The following DOCK4 variants were observed in gnomAD, a reference collection of about 807,000 sequenced individuals.
DOCK4 encodes dedicator of cytokinesis protein 4.
DOCK4 carries 97 observed loss-of-function variants against 268.1 expected under a neutral mutation model. The ratio of observed to expected loss-of-function variants is 0.36; its 90% CI spans 0.31 to 0.43. The LOEUF (loss-of-function observed/expected upper bound fraction) is 0.43. Among genes scored for constraint, DOCK4 ranks in the 20% least tolerant of loss-of-function variants. DOCK4 has a pLI of 1.00. For missense variants in DOCK4, 2,145 were observed against 2,455.7 expected, an observed-to-expected ratio of 0.87 and a Z score of 2.67; for synonymous variants, 954 against 887.2, an observed-to-expected ratio of 1.08 and a Z score of -1.34.
At chr7:111,843,789 A>G (rs534988620) in intron 25 of DOCK4, among the ~76,000 whole-genome samples, 36 of 152,318 alleles carry the variant, frequency 2.4e-4, no homozygotes, top group Non-Finnish European at 4.7e-4. Flanking sequence ...AAAATGCTTC[A>G]GTCACGTTGC....
chr7:112,157,779 A>G (rs78428386), intron 1 of DOCK4, among the ~76,000 whole-genome samples: 4,032 of 152,254 alleles, frequency 0.026, 72 homozygotes, highest in Middle Eastern at 0.048. Context: ...AAAGCACAGG[A>G]GGAGTTCTTG....
chr7:112,127,326 C>T (rs1813321016), intron 1 of DOCK4, among the ~76,000 whole-genome samples: 1 of 147,814 alleles, frequency 6.8e-6, no homozygotes, highest in South Asian at 2.1e-4. Flanking sequence ...AACCAAACAC[C>T]GCATGTTCTC....
intron 5 of DOCK4, 57 bp downstream of exon 5, chr7:111,994,077 TG>T: frequency 8.7e-7 from 1 of 1,143,868 alleles, no homozygotes; most frequent in Non-Finnish European, 1.3e-6. Context: ...CTCATGTTCA[TG>T]TATTTCTTAA....
At chr7:112,206,051 C>G (rs1457595378) in intron 1 of DOCK4, 51 bp downstream of exon 1, 1 of 1,547,518 alleles carries the variant, frequency 6.5e-7, no homozygotes, top group Non-Finnish European at 8.8e-7. Flanking sequence ...ACGAGAAATG[C>G]GCACTCGCTC....
chr7:112,187,169 T>C (rs757962967), intron 1 of DOCK4, among the ~76,000 whole-genome samples: 73 of 152,172 alleles, frequency 4.8e-4, no homozygotes, highest in Non-Finnish European at 9.4e-4. Context: ...CAAAACTCAA[T>C]AGCAAAATAA....
In DOCK4 at chr7:111,760,299, C is replaced by A; in HGVS notation, c.4044G>T (p.Gly1348=). 6.2e-7 allele frequency: 1 copy of A among 1,613,664 alleles called. No homozygotes were observed. The highest frequency in any genetic ancestry group is 8.5e-7 in the Non-Finnish European group (1 of 1,179,778). ...FLRNKEFVCR[G]HDYERLEAFQ... ...AGGCTTCCAGCCTCTCGTAGTCATG[C>A]CCTCGACACACAAACTCCTTATTCT... The change falls in exon 40 of 53, where the codon GGG becomes GGT. Residue 1348 remains glycine (G), a synonymous_variant. Transcript: ENST00000428084.
At chr7:111,960,714 T>C (rs1796809457) in intron 8 of DOCK4, among the ~76,000 whole-genome samples, 1 of 151,926 alleles carries the variant, frequency 6.6e-6, no homozygotes, top group African/African-American at 2.4e-5. Context: ...TCCCTAGTAA[T>C]CCCCCTTCTT....
chr7:111,801,696 T>C (rs1586027325), intron 30 of DOCK4: 1 of 123,460 alleles, frequency 8.1e-6, no homozygotes, highest in South Asian at 2.3e-4. Flanking sequence ...CCTTTTTTTT[T>C]TTTTTTTTTT....
chr7:112,138,363 G>T (rs906151526), intron 1 of DOCK4, among the ~76,000 whole-genome samples: 1 of 152,126 alleles, frequency 6.6e-6, no homozygotes, highest in African/African-American at 2.4e-5. Context: ...CACTGGTTTG[G>T]CATACATATG....
chr7:111,916,753 C>T (rs1792618409), intron 12 of DOCK4, among the ~76,000 whole-genome samples: 2 of 151,920 alleles, frequency 1.3e-5, no homozygotes, highest in South Asian at 2.1e-4. Flanking sequence ...CTTTTTCATT[C>T]CTTCTTTGTT....
At chr7:112,006,635 T>C (rs1800888054) in intron 1 of DOCK4, among the ~76,000 whole-genome samples, 1 of 152,220 alleles carries the variant, frequency 6.6e-6, no homozygotes, top group Admixed American at 6.5e-5. Context: ...ACAAAGGAGC[T>C]AGACAAATGA....
At chr7:112,129,423 T>C (rs1813589207) in intron 1 of DOCK4, among the ~76,000 whole-genome samples, 1 of 152,098 alleles carries the variant, frequency 6.6e-6, no homozygotes, top group Non-Finnish European at 1.5e-5. Context: ...GATCTTTTGT[T>C]TGATGGAACA....
chr7:112,124,015 A>T (rs756452013), intron 1 of DOCK4, among the ~76,000 whole-genome samples: 4 of 152,072 alleles, frequency 2.6e-5, no homozygotes, highest in Non-Finnish European at 4.4e-5. Context: ...GCTGATCATT[A>T]AGAAACTAAA....
At chr7:111,731,628 G>C (rs761216357) in intron 52 of DOCK4, among the ~76,000 whole-genome samples, 4 of 152,100 alleles carry the variant, frequency 2.6e-5, no homozygotes, top group African/African-American at 9.7e-5. Flanking sequence ...AAACCAATTC[G>C]AATGTCTGAC....
chr7:111,997,894 T>C (rs1377016613), intron 4 of DOCK4, among the ~76,000 whole-genome samples: 2 of 152,216 alleles, frequency 1.3e-5, no homozygotes. Context: ...CAAATCCTTT[T>C]GGAAATAAGA....
Position 111,758,647 on chromosome 7 carries a change from T to G in DOCK4, c.4306A>C (p.Lys1436Gln), listed in dbSNP as rs2133575688. 6.2e-7 allele frequency: 1 copy of G among 1,613,998 alleles called. No individual in the cohort carries two copies. Among genetic ancestry groups the G allele is most frequent in the East Asian group, 2.2e-5 (1 of 44,886 alleles). Residue 1436 changes from lysine (K) to glutamine (Q), a missense_variant, in exon 41 of 53, where the codon AAA becomes CAA. Physicochemically the swap from Lys to Gln is moderately conservative, Grantham distance 53. This residue lies in a region of DOCK4 where 1,598 missense variants were observed against 1,986.7 expected (regional missense o/e 0.80). Transcript: ENST00000428084. ...ACCTTGAATTCATTCTCTTTATCTT[T>G]TGTGCCTTTGTGAAATGGTCGGTCA... ...RYDRPFHKGT[K>Q]DKENEFKSLW... is the part of the protein sequence containing the mutation.
intron 1 of DOCK4, among the ~76,000 whole-genome samples, chr7:112,140,157 C>T (rs1282945445): frequency 6.6e-5 from 10 of 152,010 alleles, no homozygotes; most frequent in African/African-American, 9.7e-5. Flanking sequence ...AAAAACACAG[C>T]GGGAATTACC....
chr7:112,147,964 TC>T (rs1815679693), intron 1 of DOCK4, among the ~76,000 whole-genome samples: 1 of 150,510 alleles, frequency 6.6e-6, no homozygotes, highest in East Asian at 1.9e-4. Flanking sequence ...AGGCCTCCTA[TC>T]ACCCCTCTGC....
At chr7:112,059,766 A>G (rs1001730693) in intron 1 of DOCK4, among the ~76,000 whole-genome samples, 1 of 152,208 alleles carries the variant, frequency 6.6e-6, no homozygotes, top group Admixed American at 6.5e-5. Context: ...GAGACTGATA[A>G]GCAGTTATAG....
Sources: gnomAD v4.1 joint callset for allele counts (sites outside exome capture counted in the v4.1 genomes callset) on GRCh38, gnomAD v4.1.1 for gene constraint, gnomAD v4.1.1 regional missense constraint, MANE v1.5 for transcripts, NCBI Gene and HGNC (gene_info 2026-07-23, HGNC 2026-07-21) for gene names.